Variants in GPRC6A observed in about 807,000 individuals in gnomAD.
GPRC6A encodes the protein G protein-coupled receptor family C group 6 member A.
A neutral mutation model predicts 47.0 loss-of-function variants in GPRC6A; 54 were observed. The ratio of observed to expected loss-of-function variants is 1.15; its 90% CI spans 0.92 to 1.44. GPRC6A has a LOEUF of 1.44. Ranked by LOEUF, GPRC6A falls within the 40% of genes most tolerant of loss-of-function variation. GPRC6A has a pLI of 0.00. For missense variants in GPRC6A, 1,112 were observed against 1,105.5 expected, an observed-to-expected ratio of 1.01 and a Z score of -0.08; for synonymous variants, 347 against 377.1, an observed-to-expected ratio of 0.92 and a Z score of 0.93.
chr6:116,818,816 C>T (rs1227036935), intron 1 of GPRC6A, among the ~76,000 whole-genome samples: 3 of 150,970 alleles, frequency 2.0e-5, no homozygotes, highest in Middle Eastern at 3.4e-3. Context: ...ACAAAATAAC[C>T]AGCTATCATT....
intron 1 of GPRC6A, among the ~76,000 whole-genome samples, chr6:116,816,583 C>T (rs984550526): frequency 9.2e-5 from 14 of 151,886 alleles, no homozygotes; most frequent in African/African-American, 2.2e-4. Context: ...CCAGCATGAG[C>T]GACGCAGAAG....
chr6:116,814,996 T>C (rs772519641), intron 1 of GPRC6A, among the ~76,000 whole-genome samples: 31 of 152,148 alleles, frequency 2.0e-4, no homozygotes, highest in Non-Finnish European at 8.8e-5. Flanking sequence ...GGTCATTATA[T>C]AATGATAAGG....
At chr6:116,821,903 T>G (rs1392443681) in intron 1 of GPRC6A, among the ~76,000 whole-genome samples, 3 of 149,430 alleles carry the variant, frequency 2.0e-5, no homozygotes, top group Admixed American at 6.6e-5. Context: ...CAAAAGAAAC[T>G]ACCATCAGAG....
At chr6:116,825,797 A>C (rs1423725160) in intron 1 of GPRC6A, among the ~76,000 whole-genome samples, 2 of 151,910 alleles carry the variant, frequency 1.3e-5, no homozygotes, top group South Asian at 2.1e-4. Context: ...ACTACCTGAC[A>C]AAATTATATC....
chr6:116,798,098 A>G (rs1772544669), intron 4 of GPRC6A, among the ~76,000 whole-genome samples: 2 of 152,348 alleles, frequency 1.3e-5, no homozygotes, highest in South Asian at 4.1e-4. Context: ...AGCTCGTCGA[A>G]CTTAAGTTCT....
At chr6:116,817,238 C>T (rs573150797) in intron 1 of GPRC6A, among the ~76,000 whole-genome samples, 67 of 152,026 alleles carry the variant, frequency 4.4e-4, no homozygotes, top group Non-Finnish European at 6.8e-4. Flanking sequence ...CCCTGACCCC[C>T]GAGCAGCCTA....
chr6:116,811,724 A>G (rs1206528724), intron 1 of GPRC6A, among the ~76,000 whole-genome samples: 4 of 152,278 alleles, frequency 2.6e-5, no homozygotes, highest in Middle Eastern at 3.4e-3. Context: ...AACATAACAC[A>G]TTTGAAAGCT....
intron 5 of GPRC6A, among the ~76,000 whole-genome samples, chr6:116,795,352 AT>A (rs944203607): frequency 6.6e-6 from 1 of 151,966 alleles, no homozygotes; most frequent in East Asian, 1.9e-4. Context: ...ACTTATTTGT[AT>A]TTTTTTTGTA....
At chr6:116,797,545 A>G (rs921983568) in intron 4 of GPRC6A, among the ~76,000 whole-genome samples, 1 of 152,184 alleles carries the variant, frequency 6.6e-6, no homozygotes, top group African/African-American at 2.4e-5. Context: ...AAATAATTAT[A>G]GGTGTCTCCA....
At chr6:116,811,188 C>T (rs1773011724) in intron 1 of GPRC6A, among the ~76,000 whole-genome samples, 2 of 152,290 alleles carry the variant, frequency 1.3e-5, no homozygotes, top group Admixed American at 1.3e-4. Context: ...TCAGATGGCA[C>T]TTATGCCAGT....
At position 116,792,321 on chromosome 6, in the gene GPRC6A, G is replaced by A; in HGVS notation, c.2602C>T (p.Pro868Ser). 1 of 1,614,026 alleles carries A rather than the reference G, an allele frequency of 6.2e-7. No individual in the cohort carries two copies. Among genetic ancestry groups the A allele is most frequent in the Non-Finnish European group, 8.5e-7 (1 of 1,179,946 alleles). ...CCGCTCATGGAGTCCAGTGAAGCAG[G>A]ACTCAGGGCAATGCTGCTCACACTA... ...SHSVSSIALS[P>S]ASLDSMSGNV... Residue 868 changes from proline to serine, a missense_variant, in exon 6 of 6, where the codon CCT becomes TCT. By Grantham distance (74) the Pro-to-Ser change is moderately conservative. Coordinates refer to ENST00000310357, the MANE Select transcript of GPRC6A (RefSeq NM_148963.4).
chr6:116,794,529 C>T (rs188167224), intron 5 of GPRC6A, among the ~76,000 whole-genome samples: 121 of 152,254 alleles, frequency 7.9e-4, no homozygotes, highest in African/African-American at 2.8e-3. Flanking sequence ...GCGACTTACC[C>T]TGTTACCAAA....
chr6:116,796,221 AT>A (rs1330934484), intron 4 of GPRC6A, among the ~76,000 whole-genome samples: 10 of 152,118 alleles, frequency 6.6e-5, no homozygotes, highest in Non-Finnish European at 1.5e-4. Context: ...GATTTTTATA[AT>A]CTTTGAAAGA....
At chr6:116,804,767 A>G (rs1772785899) in intron 3 of GPRC6A, among the ~76,000 whole-genome samples, 1 of 151,564 alleles carries the variant, frequency 6.6e-6, no homozygotes, top group African/African-American at 2.4e-5. Flanking sequence ...TACTTTCTCT[A>G]TTTTTCCCCA....
At chr6:116,806,054 T>C (rs771699688) in intron 3 of GPRC6A, among the ~76,000 whole-genome samples, 1 of 152,120 alleles carries the variant, frequency 6.6e-6, no homozygotes. Context: ...GCTCTAACTC[T>C]TGTGTTTTTT....
chr6:116,800,470 T>C (rs1442494028), intron 4 of GPRC6A, 114 bp downstream of exon 4: 19 of 674,816 alleles, frequency 2.8e-5, no homozygotes. Context: ...AGAAACTTGA[T>C]TAACAGGGAT....
Position 116,819,651 on chromosome 6 carries a change from T to C in GPRC6A, c.194+9169A>G, listed in dbSNP as rs1185317834. Among the ~76,000 whole-genome samples the C allele has an allele frequency of 3.9e-5, 6 of 152,286 alleles. No individual in the cohort carries two copies. In the South Asian group the frequency reaches 1.2e-3, roughly 32 times the overall value. ...TGAAGGCAGAAATAAAGATGTTCTT[T>C]GAAACCAACAAGAACAAAGACACAA... On this transcript the variant is annotated intron_variant, in intron 1 of 5. Coordinates refer to ENST00000310357, the MANE Select transcript of GPRC6A (RefSeq NM_148963.4).
In GPRC6A at chr6:116,792,437, G is replaced by A. The variant is rs1772333466; in HGVS notation, c.2486C>T (p.Thr829Ile). ...LISNYGILYC[T>I]FIPKCYVIIC... ...AATAACATAGCATTTGGGGATGAAT[G>A]TGCAATACAGGATTCCATAGTTAGA... Residue 829 changes from threonine (T) to isoleucine (I), a missense_variant, in exon 6 of 6, where the codon ACA (threonine) becomes ATA (isoleucine). By Grantham distance (89) the Thr-to-Ile change is moderately conservative (BLOSUM62 -1). Coordinates refer to ENST00000310357, the MANE Select transcript of GPRC6A (RefSeq NM_148963.4). 6.2e-7 allele frequency: 1 copy of A among 1,613,850 alleles called. No homozygotes were observed. Among genetic ancestry groups the A allele is most frequent in the South Asian group, 1.1e-5 (1 of 91,088 alleles).
At chr6:116,821,436 A>G (rs1380935765) in intron 1 of GPRC6A, among the ~76,000 whole-genome samples, 3 of 152,162 alleles carry the variant, frequency 2.0e-5, no homozygotes, top group Non-Finnish European at 4.4e-5. Flanking sequence ...AGCTGGAGGC[A>G]TCACGCTACC....
Sources: allele counts gnomAD v4.1 joint callset (sites outside exome capture counted in the v4.1 genomes callset), GRCh38; gene constraint gnomAD v4.1.1; transcripts MANE v1.5; gene names NCBI Gene and HGNC (gene_info 2026-07-23, HGNC 2026-07-21).